PARD3: variants seen among roughly 807,000 people sequenced by gnomAD.
The protein encoded by PARD3 is partitioning defective 3 homolog.
Under a neutral mutation model 155.4 loss-of-function variants are expected in PARD3, and 75 were observed. The observed-to-expected ratio is 0.48, with a 90% confidence interval of 0.40 to 0.58. PARD3 has a LOEUF of 0.58. Ranked by LOEUF, PARD3 falls within the 20% of genes least tolerant of loss-of-function variation. The pLI, the probability that PARD3 is intolerant of heterozygous loss-of-function variation, is 0.00. For synonymous variants in PARD3, 576 were observed against 610.5 expected, an observed-to-expected ratio of 0.94 and a Z score of 0.83; for missense variants, 1,642 against 1,721.7, an observed-to-expected ratio of 0.95 and a Z score of 0.82.
chr10:34,751,430 G>A (rs755028167), intron 1 of PARD3, among the ~76,000 whole-genome samples: 4 of 152,284 alleles, frequency 2.6e-5, no homozygotes, highest in Middle Eastern at 3.4e-3. Context: ...AAGATTTCCC[G>A]TTTATCTATT....
intron 22 of PARD3, among the ~76,000 whole-genome samples, chr10:34,266,508 G>A (rs895469172): frequency 6.6e-6 from 1 of 152,084 alleles, no homozygotes; most frequent in African/African-American, 2.4e-5. Context: ...TATAAATTAT[G>A]TCTCTCCTGA....
intron 1 of PARD3, among the ~76,000 whole-genome samples, chr10:34,767,395 T>C (rs16935717): frequency 0.29 from 44,293 of 151,704 alleles, 6,801 homozygotes; most frequent in East Asian, 0.54. Context: ...GTGCTCAGGG[T>C]AGGGGAGAAA....
At chr10:34,572,416 A>T (rs1411526679) in intron 2 of PARD3, among the ~76,000 whole-genome samples, 2 of 152,136 alleles carry the variant, frequency 1.3e-5, no homozygotes, top group Non-Finnish European at 2.9e-5. Flanking sequence ...AGGCAAGCGG[A>T]TCACTCTGAG....
At chr10:34,183,911 C>T (rs1950373961) in intron 22 of PARD3, among the ~76,000 whole-genome samples, 1 of 152,308 alleles carries the variant, frequency 6.6e-6, no homozygotes, top group Middle Eastern at 3.4e-3. Flanking sequence ...CTCCAGTCAT[C>T]GGAGCCATAT....
chr10:34,736,670 ATTTAT>A (rs1393013893), intron 1 of PARD3, among the ~76,000 whole-genome samples: 1 of 151,066 alleles, frequency 6.6e-6, no homozygotes, highest in Non-Finnish European at 1.5e-5. Context: ...TTATTTATTT[ATTTAT>A]TTATTTATTT....
intron 22 of PARD3, among the ~76,000 whole-genome samples, chr10:34,189,721 C>T (rs957607332): frequency 2.0e-5 from 3 of 152,194 alleles, no homozygotes; most frequent in Non-Finnish European, 4.4e-5. Flanking sequence ...GAACTAGCCA[C>T]CTGCTTCACA....
intron 3 of PARD3, among the ~76,000 whole-genome samples, chr10:34,474,444 C>A (rs1405428163): frequency 6.6e-6 from 1 of 152,166 alleles, no homozygotes; most frequent in African/African-American, 2.4e-5. Context: ...TTTATGATTT[C>A]TTCTTGGATT....
intron 3 of PARD3, among the ~76,000 whole-genome samples, chr10:34,478,148 C>G (rs2078834376): frequency 6.6e-6 from 1 of 152,142 alleles, no homozygotes; most frequent in Non-Finnish European, 1.5e-5. Flanking sequence ...ATCTTATCAC[C>G]TTGTTATTAA....
At chr10:34,414,723 G>A (rs749836203) in intron 5 of PARD3, among the ~76,000 whole-genome samples, 21 of 151,918 alleles carry the variant, frequency 1.4e-4, no homozygotes, top group Non-Finnish European at 2.6e-4. Flanking sequence ...GAGAGGACTC[G>A]AAACATACCC....
intron 2 of PARD3, among the ~76,000 whole-genome samples, chr10:34,580,520 C>T (rs776826419): frequency 2.6e-5 from 4 of 152,050 alleles, no homozygotes; most frequent in Non-Finnish European, 2.9e-5. Context: ...GGTGACAGAG[C>T]GAGATCCTGT....
At chr10:34,551,983 T>G (rs1413145153) in intron 2 of PARD3, among the ~76,000 whole-genome samples, 1 of 152,222 alleles carries the variant, frequency 6.6e-6, no homozygotes, top group Non-Finnish European at 1.5e-5. Context: ...TACCCAAGAC[T>G]TGAGGTAAAA....
At chr10:34,666,232 C>T in intron 2 of PARD3, among the ~76,000 whole-genome samples, 1 of 9,226 alleles carries the variant, frequency 1.1e-4, no homozygotes, top group East Asian at 3.6e-3. Context: ...AAAAAAAAGC[C>T]AATTCTCAAA....
At chr10:34,427,328 G>A (rs1045730569) in intron 5 of PARD3, among the ~76,000 whole-genome samples, 5 of 152,156 alleles carry the variant, frequency 3.3e-5, no homozygotes, top group Admixed American at 3.3e-4. Flanking sequence ...GCATTCCCAG[G>A]CGGGGCCTCT....
chr10:34,206,488 C>T (rs182290133), intron 22 of PARD3, among the ~76,000 whole-genome samples: 2 of 152,128 alleles, frequency 1.3e-5, no homozygotes, highest in Admixed American at 6.5e-5. Context: ...GGGCTTAGCC[C>T]GGGAAGGTTC....
At chr10:34,267,742 T>A (rs1313120683) in intron 22 of PARD3, among the ~76,000 whole-genome samples, 1 of 152,196 alleles carries the variant, frequency 6.6e-6, no homozygotes, top group African/African-American at 2.4e-5. Context: ...CGTACATCTC[T>A]AGCCTTGTGA....
chr10:34,116,494 CT>C lies in PARD3; in HGVS notation c.3668+3118del, dbSNP rs544150756. 4.7e-3 allele frequency among the ~76,000 whole-genome samples: 713 copies of C among 152,312 alleles called. 4 individuals are homozygous for C. Among genetic ancestry groups the C allele is most frequent in the African/African-American group, 0.016 (678 of 41,572 alleles). The stretch of plus-strand genomic sequence containing the variant: ...CTCACGGAGGTGGTTGCAGTCCCCC[CT>C]GACCTCCTGTTTGCTTTCTTTCCCT... On this transcript the variant is annotated intron_variant, in intron 24 of 24. Transcript: ENST00000374788.
At chr10:34,315,761 G>A (rs900565115) in intron 20 of PARD3, among the ~76,000 whole-genome samples, 1 of 152,174 alleles carries the variant, frequency 6.6e-6, no homozygotes, top group South Asian at 2.1e-4. Context: ...AGAGTATAAT[G>A]AAGAAACATG....
intron 19 of PARD3, among the ~76,000 whole-genome samples, chr10:34,326,933 G>T (rs1835088537): frequency 6.6e-6 from 1 of 152,154 alleles, no homozygotes; most frequent in Non-Finnish European, 1.5e-5. Flanking sequence ...AAATCAATAG[G>T]TATAATTAAT....
intron 1 of PARD3, among the ~76,000 whole-genome samples, chr10:34,725,141 GTGTGTGTGTGAC>G (rs1440012770): frequency 4.8e-5 from 6 of 126,242 alleles, no homozygotes; most frequent in African/African-American, 1.6e-4. Flanking sequence ...GTGTGTGTGT[GTGTGTGTGTGAC>G]AGAGAGAGAG....
Sources: allele counts gnomAD v4.1 joint callset (sites outside exome capture counted in the v4.1 genomes callset), GRCh38; gene constraint gnomAD v4.1.1; transcripts MANE v1.5; gene names NCBI Gene and HGNC (gene_info 2026-07-23, HGNC 2026-07-21).